Variants in TSC22D3 observed in about 807,000 individuals in gnomAD.
TSC22D3 encodes TSC22 domain family protein 3.
TSC22D3 carries 4 observed loss-of-function variants against 11.1 expected under a neutral mutation model. The observed-to-expected ratio is 0.36, with a 90% CI of 0.18 to 0.83. The LOEUF (loss-of-function observed/expected upper bound fraction) is 0.83. TSC22D3 is among the 40% of genes least tolerant of loss of function. TSC22D3 has a pLI of 0.48. For missense variants in TSC22D3, 118 were observed against 159.4 expected (o/e 0.74, Z 1.40); for synonymous variants, 77 against 70.3 (o/e 1.10, Z -0.48).
chrX:107,743,737 A>G (rs772801520), intron 1 of TSC22D3, among the ~76,000 whole-genome samples: 1 of 112,041 alleles, frequency 8.9e-6, no homozygotes, highest in South Asian at 3.7e-4. Context: ...CCCTGCCCTC[A>G]TTCTTTCTAG....
At chrX:107,750,851 A>C (rs1032290038) in intron 1 of TSC22D3, among the ~76,000 whole-genome samples, 1 of 111,841 alleles carries the variant, frequency 8.9e-6, no homozygotes, top group Non-Finnish European at 1.9e-5. Context: ...GATTTTGTTA[A>C]AGTCATGGAA....
intron 1 of TSC22D3, among the ~76,000 whole-genome samples, chrX:107,765,048 G>C (rs1223240155): frequency 9.0e-6 from 1 of 111,577 alleles, no homozygotes; most frequent in African/African-American, 3.3e-5. Context: ...GTGACTCCGG[G>C]TTCCAGCCCA....
chrX:107,749,573 G>A (rs1238712344), intron 1 of TSC22D3, among the ~76,000 whole-genome samples: 1 of 111,012 alleles, frequency 9.0e-6, no homozygotes, highest in African/African-American at 3.3e-5. Context: ...TTACAGGCAT[G>A]AGCCACCATG....
chrX:107,748,402 G>T (rs1332670087), intron 1 of TSC22D3, among the ~76,000 whole-genome samples: 3 of 111,664 alleles, frequency 2.7e-5, no homozygotes, highest in Non-Finnish European at 5.6e-5. Context: ...ATGAGATAAG[G>T]TAGGGCCAGT....
chrX:107,771,585 A>AAAATAAATAAATAAATAAAC (rs1929908046), intron 1 of TSC22D3, among the ~76,000 whole-genome samples: 1 of 111,925 alleles, frequency 8.9e-6, no homozygotes, highest in Non-Finnish European at 1.9e-5. Context: ...ACTCCGTCTC[A>AAAATAAATAAATAAATAAAC]AAATAAATAA....
At chrX:107,741,094 C>T (rs1008592727) in intron 1 of TSC22D3, among the ~76,000 whole-genome samples, 2 of 111,195 alleles carry the variant, frequency 1.8e-5, no homozygotes, top group Admixed American at 1.9e-4. Flanking sequence ...GAATGAAGCC[C>T]CTAGACCTCC....
At chrX:107,736,252 C>T (rs757039071) in intron 1 of TSC22D3, among the ~76,000 whole-genome samples, 6 of 111,799 alleles carry the variant, frequency 5.4e-5, no homozygotes, top group South Asian at 3.8e-4. Context: ...ATTCCTCTCA[C>T]TTGAATGAGG....
chrX:107,727,381 G>A (rs1927692302), intron 1 of TSC22D3, among the ~76,000 whole-genome samples: 2 of 112,394 alleles, frequency 1.8e-5, no homozygotes, highest in Admixed American at 1.9e-4. Context: ...CTTCATGGAA[G>A]ACCTCTAAAC....
chrX:107,716,653 C>T lies in TSC22D3; in HGVS notation c.321-703G>A, dbSNP rs779989467. On this transcript the variant is annotated intron_variant, in intron 1 of 2. Transcript: ENST00000372383. ...CCTAGCCCAGCTCCGGCCGGCGCCC[C>T]GGCTCGGGAGGCGCCGGAGCTGGGG... 2.0e-5 allele frequency: 24 copies of T among 1,182,675 alleles called. No homozygotes were observed. In the South Asian group the frequency reaches 2.0e-4, roughly 10 times the overall value.
intron 1 of TSC22D3, among the ~76,000 whole-genome samples, chrX:107,731,576 A>G (rs1927882385): frequency 8.9e-6 from 1 of 111,987 alleles, no homozygotes. Context: ...CAAATGGATT[A>G]TGTTGAGTGA....
chrX:107,735,221 A>G (rs187256946), intron 1 of TSC22D3, among the ~76,000 whole-genome samples: 351 of 111,969 alleles, frequency 3.1e-3, no homozygotes, highest in Non-Finnish European at 5.5e-3. Flanking sequence ...ATAGCATCCA[A>G]CGGATGGGGC....
Position 107,775,722 on chromosome X carries a change from A to G in TSC22D3, c.-303T>C, listed in dbSNP as rs1032784248. The stretch of plus-strand genomic sequence containing the variant: ...CCGGGGGCCGCCCCCCTGAGGTGCC[A>G]CACGCGGCCCCAGCGCAGTCCCAAG... On this transcript the variant is annotated 5_prime_UTR_variant, in exon 1 of 3. Transcript: ENST00000372383. 1 of 193,853 alleles carries G rather than the reference A, an allele frequency of 5.2e-6. No individual in the cohort carries two copies. Among genetic ancestry groups the G allele is most frequent in the Non-Finnish European group, 9.5e-6 (1 of 105,707 alleles). The allele number at this position is 193,853 out of a possible 1,213,427, so 16.0% of individuals were successfully genotyped here.
In TSC22D3 at chrX:107,743,166, T is replaced by C. The variant is rs1305877508; in HGVS notation, c.321-27216A>G. ...GGCCCTGAGCTACGGGAGAAGCCAG[T>C]TCCGAAGAAGAAAAGGCGGCACAAC... is the stretch of plus-strand genomic sequence containing the variant. On this transcript the variant is annotated intron_variant, in intron 1 of 2. Transcript: ENST00000372383. Among the ~76,000 whole-genome samples the C allele has an allele frequency of 3.6e-5, 4 of 112,489 alleles. No homozygotes were observed. The East Asian group carries it at 8.4e-4, about 24-fold the overall frequency.
chrX:107,751,202 G>A (rs1363363949), intron 1 of TSC22D3, among the ~76,000 whole-genome samples: 1 of 112,296 alleles, frequency 8.9e-6, no homozygotes, highest in Admixed American at 9.4e-5. Flanking sequence ...GTGTGCTTGG[G>A]TGGAGGGGAA....
At chrX:107,738,663 C>G (rs756354962) in intron 1 of TSC22D3, among the ~76,000 whole-genome samples, 2 of 113,141 alleles carry the variant, frequency 1.8e-5, no homozygotes, top group Admixed American at 1.8e-4. Flanking sequence ...TTCTGCTGCC[C>G]ATGGGGCCAG....
At chrX:107,760,294 A>T (rs768888360) in intron 1 of TSC22D3, among the ~76,000 whole-genome samples, 72 of 112,694 alleles carry the variant, frequency 6.4e-4, no homozygotes, top group African/African-American at 1.9e-3. Context: ...AATCAAATTT[A>T]AAAAAATCAC....
At chrX:107,742,391 A>G (rs1928461803) in intron 1 of TSC22D3, among the ~76,000 whole-genome samples, 1 of 106,933 alleles carries the variant, frequency 9.4e-6, no homozygotes, top group Admixed American at 9.8e-5. Flanking sequence ...AGAGAGAAAG[A>G]GAGAGAGGGA....
At chrX:107,740,269 C>A (rs1334499268) in intron 1 of TSC22D3, among the ~76,000 whole-genome samples, 1 of 111,849 alleles carries the variant, frequency 8.9e-6, no homozygotes, top group East Asian at 2.8e-4. Context: ...GTAGAAGAAG[C>A]CTCAGGGAAG....
intron 1 of TSC22D3, among the ~76,000 whole-genome samples, chrX:107,758,633 T>C (rs1186507299): frequency 9.0e-6 from 1 of 111,683 alleles, no homozygotes; most frequent in Non-Finnish European, 1.9e-5. Context: ...CCAGTCTCTC[T>C]TTGTAGATTC....
Sources: allele counts gnomAD v4.1 joint callset (sites outside exome capture counted in the v4.1 genomes callset), GRCh38; gene constraint gnomAD v4.1.1; transcripts MANE v1.5; gene names NCBI Gene and HGNC (gene_info 2026-07-23, HGNC 2026-07-21).